The following PLSCR2 variants were observed in gnomAD, a reference collection of about 807,000 sequenced individuals.
The protein encoded by PLSCR2 is phospholipid scramblase 2.
Under a neutral mutation model 25.3 loss-of-function variants are expected in PLSCR2, and 18 were observed. That is an observed-to-expected ratio of 0.71 (90% confidence interval 0.49 to 1.06). The LOEUF (loss-of-function observed/expected upper bound fraction) is 1.06, where lower values mean the gene tolerates loss of function less well. Ranked by LOEUF, PLSCR2 falls within the 50% of genes least tolerant of loss-of-function variation. The pLI is 0.00. For synonymous variants in PLSCR2, 88 were observed against 87.3 expected (o/e 1.01, Z -0.04); for missense variants, 243 against 269.5 (o/e 0.90, Z 0.69).
intron 1 of PLSCR2, chr3:146,494,975 A>G (rs138932401): frequency 8.6e-4 from 131 of 152,220 alleles, no homozygotes; most frequent in African/African-American, 3.1e-3. Context: ...AGCCTCAGAG[A>G]TGTTGTGTTA....
chr3:146,453,975 T>A (rs770465933), intron 5 of PLSCR2, 27 bp downstream of exon 5: 3 of 1,525,068 alleles, frequency 2.0e-6, no homozygotes, highest in African/African-American at 2.8e-5. Flanking sequence ...AAAAAGCAAA[T>A]CCTATAAACA....
rs2042060990 is a variant in PLSCR2, at chr3:146,470,128, T to C, written c.-292-9844A>G. ...CTTTCCAACAAAAGGCATTTTTAAG[T>C]TAAGAGTGAAAATGATGAGGCGTGT... On this transcript the variant is annotated intron_variant, in intron 1 of 8. Coordinates refer to the PLSCR2 transcript ENST00000336685. Among the ~76,000 whole-genome samples, 7 of 152,178 alleles carry C rather than the reference T, an allele frequency of 4.6e-5. No individual in the cohort carries two copies. The South Asian group carries it at 1.5e-3, about 32-fold the overall frequency.
intron 2 of PLSCR2, among the ~76,000 whole-genome samples, chr3:146,412,780 C>T (rs747176339): frequency 1.7e-4 from 26 of 151,948 alleles, no homozygotes; most frequent in Non-Finnish European, 2.5e-4. Flanking sequence ...AGGGTTGGAC[C>T]GCACAGTCTA....
intron 1 of PLSCR2, among the ~76,000 whole-genome samples, chr3:146,476,797 G>A (rs967579040): frequency 3.3e-5 from 5 of 152,200 alleles, no homozygotes; most frequent in Admixed American, 2.6e-4. Context: ...ACTGGGTGGG[G>A]CCTCCCTGCA....
downstream of PLSCR2, among the ~76,000 whole-genome samples, chr3:146,429,003 G>T (rs1303134661): frequency 3.9e-5 from 6 of 152,116 alleles, no homozygotes; most frequent in Non-Finnish European, 7.4e-5. Context: ...CATGTCCCTG[G>T]ACCCGCATTA....
At chr3:146,461,649 T>C (rs1356214553), upstream of PLSCR2, among the ~76,000 whole-genome samples, 4 of 151,084 alleles carry the variant, frequency 2.6e-5, no homozygotes, top group African/African-American at 9.7e-5. Context: ...AGAAATGCTA[T>C]AGGAGGAAGG....
At chr3:146,455,522 T>G (rs1054194063) in intron 3 of PLSCR2, 63 bp from the exon 4 acceptor site, 1 of 946,704 alleles carries the variant, frequency 1.1e-6, no homozygotes. Context: ...CTTAAGATAT[T>G]ATATCTAGCT....
At chr3:146,462,920 A>C (rs538429923), upstream of PLSCR2, among the ~76,000 whole-genome samples, 5 of 152,204 alleles carry the variant, frequency 3.3e-5, no homozygotes, top group East Asian at 9.7e-4. Context: ...GTTTATTTCC[A>C]AGCCTCTGGG....
chr3:146,434,391 C>A (rs1444624636), intron 8 of PLSCR2, among the ~76,000 whole-genome samples: 3 of 152,056 alleles, frequency 2.0e-5, no homozygotes, highest in Non-Finnish European at 2.9e-5. Flanking sequence ...CCTATTTATT[C>A]ATGAAAGCTT....
At chr3:146,428,852 T>C (rs1403407570), downstream of PLSCR2, among the ~76,000 whole-genome samples, 1 of 152,222 alleles carries the variant, frequency 6.6e-6, no homozygotes, top group Admixed American at 6.5e-5. Flanking sequence ...TTATATGCCA[T>C]TAAAAGTTGC....
intron 2 of PLSCR2, among the ~76,000 whole-genome samples, chr3:146,404,261 A>G (rs937187186): frequency 1.3e-5 from 2 of 152,176 alleles, no homozygotes; most frequent in Non-Finnish European, 2.9e-5. Context: ...TTTGAGTGCT[A>G]TTTCTTTTGC....
intron 2 of PLSCR2, among the ~76,000 whole-genome samples, chr3:146,421,770 AT>A (rs1430543981): frequency 6.6e-6 from 1 of 152,138 alleles, no homozygotes; most frequent in Non-Finnish European, 1.5e-5. Flanking sequence ...TGACAACACA[AT>A]TGGTAGGTTA....
intron 2 of PLSCR2, among the ~76,000 whole-genome samples, chr3:146,399,917 T>C (rs565495621): frequency 8.6e-5 from 13 of 151,888 alleles, no homozygotes; most frequent in East Asian, 5.8e-4. Context: ...AATGGTGGTA[T>C]GGTTTGTAAA....
In PLSCR2 at chr3:146,423,263, CT is replaced by C. The variant is rs1286872636; in HGVS notation, c.101-27343del. ...TCTCTCTCTCTCTCTCTCTCTCTCT[CT>C]CTCTCTCTCTCTCTCTCTCCCTGGC... is the stretch of plus-strand genomic sequence containing the variant. On this transcript the variant is annotated intron_variant and NMD_transcript_variant, in intron 2 of 3. Transcript: ENST00000463633. Among the ~76,000 whole-genome samples the C allele has an allele frequency of 1.1e-3, 156 of 146,264 alleles. 1 individual carries two copies. Among genetic ancestry groups the C allele is most frequent in the African/African-American group, 3.7e-3 (150 of 40,100 alleles).
intron 1 of PLSCR2, among the ~76,000 whole-genome samples, chr3:146,469,826 C>G (rs368615922): frequency 1.3e-5 from 2 of 151,602 alleles, no homozygotes; most frequent in African/African-American, 2.4e-5. Flanking sequence ...CAGCCCGTCC[C>G]GTCTCCCTCT....
At position 146,455,780 on chromosome 3, in the gene PLSCR2, AG is replaced by A. The variant is rs538608238; in HGVS notation, c.101-322del. Among the ~76,000 whole-genome samples the A allele has an allele frequency of 1.4e-4, 21 of 152,336 alleles. No individual in the cohort carries two copies. In the East Asian group the frequency reaches 4.0e-3, roughly 29 times the overall value. ...TGCTGCCAGTAAGCACAGTGGTGCTAGGTGTATGGATAAAATGTCCATTTAT... is the reference window on the plus strand; with the variant it reads ...TGCTGCCAGTAAGCACAGTGGTGCTAGTGTATGGATAAAATGTCCATTTAT... On this transcript the variant is annotated intron_variant, in intron 3 of 6. Coordinates refer to ENST00000610787, the Ensembl canonical transcript of PLSCR2.
intron 2 of PLSCR2, chr3:146,415,305 ACTTGT>A (rs1241834534): frequency 1.3e-5 from 2 of 152,360 alleles, no homozygotes; most frequent in Non-Finnish European, 2.9e-5. Flanking sequence ...TTTTTCTGTC[ACTTGT>A]CTTGTATATC....
intron 2 of PLSCR2, among the ~76,000 whole-genome samples, chr3:146,409,993 G>T (rs1032398731): frequency 6.6e-6 from 1 of 152,108 alleles, no homozygotes; most frequent in African/African-American, 2.4e-5. Context: ...TGGGTCAGTT[G>T]TATCTAGGCG....
At chr3:146,455,511 T>G in intron 3 of PLSCR2, 52 bp from the exon 4 acceptor site, 1 of 1,059,900 alleles carries the variant, frequency 9.4e-7, no homozygotes, top group Non-Finnish European at 1.4e-6. Context: ...ATTGAACCTA[T>G]CTTAAGATAT....
Sources: gnomAD v4.1 joint callset for allele counts (sites outside exome capture counted in the v4.1 genomes callset) on GRCh38, gnomAD v4.1.1 for gene constraint, MANE v1.5 for transcripts, NCBI Gene and HGNC (gene_info 2026-07-23, HGNC 2026-07-21) for gene names.